Variants in UBL3 observed in about 807,000 individuals in gnomAD.
UBL3 encodes the protein ubiquitin like 3, also known as ubiquitin-like protein 3.
Under a neutral mutation model 18.4 loss-of-function variants are expected in UBL3, and 6 were observed. The ratio of observed to expected loss-of-function variants is 0.33; its 90% CI spans 0.18 to 0.64. The LOEUF is 0.64. UBL3 is among the 30% of genes least tolerant of loss of function. UBL3 has a pLI of 0.76. For missense variants in UBL3, 109 were observed against 142.9 expected (o/e 0.76, Z 1.21); for synonymous variants, 49 against 46.6 (o/e 1.05, Z -0.21).
chr13:29,849,966 A>G lies in UBL3; in HGVS notation c.-428T>C, dbSNP rs917226710. The G allele has an allele frequency of 4.7e-5, 13 of 277,318 alleles. No individual in the cohort carries two copies. The allele number at this position is 277,318 out of a possible 1,614,324, so 17.2% of individuals were successfully genotyped here. On this transcript the variant is annotated 5_prime_UTR_variant, in exon 1 of 5. Coordinates refer to ENST00000380680, the MANE Select transcript of UBL3 (RefSeq NM_007106.4). ...AGTCAAGTCCTCATTAAGCAGGAGA[A>G]AAATGCCCCAGCGTGGATGTACACA...
At chr13:29,846,064 G>A (rs1276881045) in intron 1 of UBL3, among the ~76,000 whole-genome samples, 1 of 152,074 alleles carries the variant, frequency 6.6e-6, no homozygotes, top group African/African-American at 2.4e-5. Context: ...AACACAGGCA[G>A]TAAATATTTT....
At chr13:29,790,818 C>A (rs1047404736) in intron 1 of UBL3, among the ~76,000 whole-genome samples, 1 of 152,090 alleles carries the variant, frequency 6.6e-6, no homozygotes, top group Non-Finnish European at 1.5e-5. Context: ...CTTTGATCCT[C>A]TCTTTCAGTT....
At chr13:29,816,782 A>T (rs1878294512) in intron 1 of UBL3, among the ~76,000 whole-genome samples, 1 of 148,450 alleles carries the variant, frequency 6.7e-6, no homozygotes, top group Non-Finnish European at 1.5e-5. Context: ...AAAAAAAAAA[A>T]GGAACAATGT....
chr13:29,819,923 G>C (rs1878381620), intron 1 of UBL3, among the ~76,000 whole-genome samples: 1 of 151,908 alleles, frequency 6.6e-6, no homozygotes, highest in Admixed American at 6.6e-5. Context: ...CTTTTCTATA[G>C]ACAACTGCAA....
At chr13:29,799,073 C>T (rs901545072) in intron 1 of UBL3, among the ~76,000 whole-genome samples, 5 of 152,188 alleles carry the variant, frequency 3.3e-5, no homozygotes, top group Non-Finnish European at 5.9e-5. Flanking sequence ...AACCTCAGCA[C>T]AACTGATATT....
At chr13:29,775,875 C>T (rs776898007) in intron 2 of UBL3, among the ~76,000 whole-genome samples, 1 of 152,034 alleles carries the variant, frequency 6.6e-6, no homozygotes, top group Non-Finnish European at 1.5e-5. Flanking sequence ...TCTCAGCCTC[C>T]CAAAGACCTG....
intron 1 of UBL3, among the ~76,000 whole-genome samples, chr13:29,795,896 C>G (rs1877597753): frequency 6.6e-6 from 1 of 151,418 alleles, no homozygotes; most frequent in Admixed American, 6.6e-5. Flanking sequence ...TGTGTCACTG[C>G]ACTACAGCCT....
chr13:29,811,167 C>A (rs1019362538), intron 1 of UBL3, among the ~76,000 whole-genome samples: 1 of 152,032 alleles, frequency 6.6e-6, no homozygotes, highest in East Asian at 1.9e-4. Context: ...GAAAGCAGAG[C>A]AAGTAGACAG....
chr13:29,801,683 G>A (rs774198278), intron 1 of UBL3, among the ~76,000 whole-genome samples: 2 of 152,158 alleles, frequency 1.3e-5, no homozygotes, highest in Admixed American at 6.5e-5. Flanking sequence ...TGAAGACCCT[G>A]AGTGCTTTAA....
At chr13:29,827,594 C>T in intron 1 of UBL3, among the ~76,000 whole-genome samples, 1 of 152,172 alleles carries the variant, frequency 6.6e-6, no homozygotes, top group East Asian at 1.9e-4. Flanking sequence ...AGATGGGTTT[C>T]CTGAATACAG....
Position 29,767,191 on chromosome 13 carries a change from G to A in UBL3, c.*64C>T, listed in dbSNP as rs113174409. ...TGAACGGTTTCTGAAGCAATGTCGG[G>A]TCTTTTCTGTCCCAGCAGCATGAAA... On this transcript the variant is annotated 3_prime_UTR_variant, in exon 5 of 5. Coordinates refer to ENST00000380680, the MANE Select transcript of UBL3 (RefSeq NM_007106.4). 9 of 1,584,262 alleles carry A rather than the reference G, an allele frequency of 5.7e-6. No homozygotes were observed. Among genetic ancestry groups the A allele is most frequent in the Middle Eastern group, 1.7e-4 (1 of 5,946 alleles).
At chr13:29,803,548 C>A (rs528382282) in intron 1 of UBL3, among the ~76,000 whole-genome samples, 1 of 151,482 alleles carries the variant, frequency 6.6e-6, no homozygotes, top group African/African-American at 2.4e-5. Context: ...TCATCTTACA[C>A]GCAATGACAT....
intron 1 of UBL3, among the ~76,000 whole-genome samples, chr13:29,844,723 T>C: frequency 6.6e-6 from 1 of 152,092 alleles, no homozygotes; most frequent in Non-Finnish European, 1.5e-5. Context: ...ACTTAGAAAA[T>C]CAAAGAGCAC....
chr13:29,849,683 C>G lies in UBL3; in HGVS notation c.-145G>C, dbSNP rs1316907372. The G allele has an allele frequency of 9.1e-7, 1 of 1,094,264 alleles. No homozygotes were observed. The highest frequency in any genetic ancestry group is 2.6e-5 in the East Asian group (1 of 39,144). 67.8% of individuals were successfully genotyped at this position (1,094,264 alleles called of 1,614,324 possible). On this transcript the variant is annotated 5_prime_UTR_variant, in exon 1 of 5. Transcript: ENST00000380680. ...CCCAAAAATAAAGTTATTTTGGAGC[C>G]AAAGTGCCGGTCAGGCCGAGGTTCT... is the stretch of plus-strand genomic sequence containing the variant.
intron 2 of UBL3, among the ~76,000 whole-genome samples, chr13:29,775,985 TATGGTTACTGGCTTGAA>T (rs1005891982): frequency 3.1e-4 from 47 of 152,144 alleles, no homozygotes; most frequent in Non-Finnish European, 4.6e-4. Context: ...CCAAGATTGT[TATGGTTACTGGCTTGAA>T]AATGGAAAGC....
chr13:29,837,598 G>A (rs527997098), intron 1 of UBL3, among the ~76,000 whole-genome samples: 44 of 152,168 alleles, frequency 2.9e-4, no homozygotes, highest in African/African-American at 9.9e-4. Flanking sequence ...CCCGGGCCAG[G>A]TGCCTATAAT....
At chr13:29,768,912 GTA>G (rs1876764148) in intron 3 of UBL3, among the ~76,000 whole-genome samples, 1 of 152,044 alleles carries the variant, frequency 6.6e-6, no homozygotes, top group African/African-American at 2.4e-5. Context: ...ATACCAAGCT[GTA>G]TATCATTCTC....
chr13:29,797,295 G>A (rs1877639361), intron 1 of UBL3, among the ~76,000 whole-genome samples: 2 of 152,272 alleles, frequency 1.3e-5, no homozygotes, highest in Admixed American at 6.5e-5. Flanking sequence ...GAGATATGAT[G>A]TTCATGGTCA....
intron 2 of UBL3, among the ~76,000 whole-genome samples, chr13:29,775,524 A>T (rs1479832764): frequency 6.6e-6 from 1 of 152,206 alleles, no homozygotes; most frequent in East Asian, 1.9e-4. Flanking sequence ...AAATCAGCTG[A>T]AAAAAATCAT....
Sources: gnomAD v4.1 joint callset for allele counts (sites outside exome capture counted in the v4.1 genomes callset) on GRCh38, gnomAD v4.1.1 for gene constraint, MANE v1.5 for transcripts, NCBI Gene and HGNC (gene_info 2026-07-23, HGNC 2026-07-21) for gene names.